The following CNOT6L variants were observed in gnomAD, a reference collection of about 807,000 sequenced individuals.
CNOT6L encodes CCR4-NOT transcription complex subunit 6-like.
A neutral mutation model predicts 64.0 loss-of-function variants in CNOT6L; 7 were observed. That is an observed-to-expected ratio of 0.11 (90% CI 0.06 to 0.21). CNOT6L has a LOEUF of 0.21. Among genes scored for constraint, CNOT6L ranks in the 10% least tolerant of loss-of-function variants. CNOT6L has a pLI of 1.00. For synonymous variants in CNOT6L, 193 were observed against 243.4 expected, an observed-to-expected ratio of 0.79 and a Z score of 1.93; for missense variants, 245 against 669.0, an observed-to-expected ratio of 0.37 and a Z score of 6.99.
At chr4:77,760,001 TC>T (rs1726000235) in intron 4 of CNOT6L, among the ~76,000 whole-genome samples, 1 of 152,124 alleles carries the variant, frequency 6.6e-6, no homozygotes, top group African/African-American at 2.4e-5. Context: ...CCCAGAAAGT[TC>T]CCAAATATTC....
At position 77,717,962 on chromosome 4, in the gene CNOT6L, C is replaced by T. The variant is rs997765847; in HGVS notation, c.*2469G>A. Reference sequence around the variant, plus strand: ...GAGCGCATTTGAAGCAGAGAGAACCCAATTACACACCTTCCTGCAACAGAG... The same window carrying T: ...GAGCGCATTTGAAGCAGAGAGAACCTAATTACACACCTTCCTGCAACAGAG... On this transcript the variant is annotated 3_prime_UTR_variant, in exon 12 of 12. Coordinates refer to ENST00000504123, the MANE Select transcript of CNOT6L (RefSeq NM_144571.3). 6.6e-6 allele frequency: 1 copy of T among 152,418 alleles called. No homozygotes were observed. The highest frequency in any genetic ancestry group is 1.5e-5 in the Non-Finnish European group (1 of 67,990). 9.4% of individuals were successfully genotyped at this position (152,418 alleles called of 1,614,324 possible).
In CNOT6L at chr4:77,773,178, A is replaced by G. The variant is rs762789158; in HGVS notation, c.315-12T>C. On this transcript the variant is annotated splice_polypyrimidine_tract_variant and intron_variant, in intron 3 of 11. Transcript: ENST00000504123. Reference sequence around the variant, plus strand: ...TTAAAAGCAATTCCCTGTTTTAAAAAAAAAAAAAAAATTAGTTTAATATAC... The same window carrying G: ...TTAAAAGCAATTCCCTGTTTTAAAAGAAAAAAAAAAATTAGTTTAATATAC... The G allele has an allele frequency of 6.0e-6, 9 of 1,511,208 alleles. No individual in the cohort carries two copies. Among genetic ancestry groups the G allele is most frequent in the Admixed American group, 4.6e-5 (2 of 43,748 alleles). The allele number at this position is 1,511,208 out of a possible 1,614,324, so 93.6% of individuals were successfully genotyped here.
intron 1 of CNOT6L, among the ~76,000 whole-genome samples, chr4:77,813,716 TAGA>T (rs1217890465): frequency 6.6e-6 from 1 of 152,142 alleles, no homozygotes; most frequent in Non-Finnish European, 1.5e-5. Flanking sequence ...TCACACCTGC[TAGA>T]AGAACTATGA....
Position 77,715,033 on chromosome 4 carries a change from G to A in CNOT6L, c.*5398C>T, listed in dbSNP as rs2866689. 0.86 allele frequency: 131,319 copies of A among 152,190 alleles called. 56,901 individuals are homozygous for A. Among genetic ancestry groups the A allele is most frequent in the Non-Finnish European group, 0.9 (61,208 of 67,996 alleles). 9.4% of individuals were successfully genotyped at this position (152,190 alleles called of 1,614,324 possible). ...AAAGACAATACATCAGTGATTTGAA[G>A]TTAATACGAAACTGAAATGAGCAAG... On this transcript the variant is annotated 3_prime_UTR_variant, in exon 12 of 12. Transcript: ENST00000504123.
intron 4 of CNOT6L, among the ~76,000 whole-genome samples, chr4:77,769,339 G>C (rs1023562622): frequency 2.0e-5 from 3 of 152,098 alleles, no homozygotes; most frequent in Non-Finnish European, 4.4e-5. Flanking sequence ...ATGACAAGGT[G>C]TGTTTGTGCC....
At chr4:77,813,746 T>C (rs1031181681) in intron 1 of CNOT6L, among the ~76,000 whole-genome samples, 4 of 151,994 alleles carry the variant, frequency 2.6e-5, no homozygotes, top group Non-Finnish European at 4.4e-5. Context: ...AAGGAGATAA[T>C]AACAATTGTT....
At chr4:77,765,650 TA>T (rs1207716236) in intron 4 of CNOT6L, among the ~76,000 whole-genome samples, 1 of 152,182 alleles carries the variant, frequency 6.6e-6, no homozygotes, top group Non-Finnish European at 1.5e-5. Flanking sequence ...AAAAATCCTT[TA>T]AAAAATTGTT....
chr4:77,805,554 A>G (rs1044695933), intron 1 of CNOT6L, among the ~76,000 whole-genome samples: 1 of 152,196 alleles, frequency 6.6e-6, no homozygotes, highest in Non-Finnish European at 1.5e-5. Flanking sequence ...TTCATTTCAT[A>G]TTATAGTTGT....
intron 1 of CNOT6L, among the ~76,000 whole-genome samples, chr4:77,776,873 TA>T (rs1346285146): frequency 6.6e-6 from 1 of 152,216 alleles, no homozygotes; most frequent in Non-Finnish European, 1.5e-5. Context: ...ATTCTATGTT[TA>T]TAGGAGAAGC....
At chr4:77,798,355 T>C (rs1731120088) in intron 1 of CNOT6L, among the ~76,000 whole-genome samples, 1 of 151,920 alleles carries the variant, frequency 6.6e-6, no homozygotes, top group African/African-American at 2.4e-5. Context: ...ACCCACACAC[T>C]GGGAAAAAAT....
At chr4:77,762,414 T>C (rs1726345033) in intron 4 of CNOT6L, among the ~76,000 whole-genome samples, 1 of 152,140 alleles carries the variant, frequency 6.6e-6, no homozygotes, top group Admixed American at 6.5e-5. Context: ...GATCCACACA[T>C]ATTTGGGCAA....
At chr4:77,750,025 A>T (rs1200550793) in intron 5 of CNOT6L, among the ~76,000 whole-genome samples, 3 of 152,212 alleles carry the variant, frequency 2.0e-5, no homozygotes, top group Non-Finnish European at 4.4e-5. Flanking sequence ...GTTTAAAAAG[A>T]TAAATATGTA....
In CNOT6L at chr4:77,729,038, C is replaced by T; in HGVS notation, c.1068G>A (p.Val356=). Residue 356 remains valine, a synonymous_variant, in exon 10 of 12, where the codon GTG becomes GTA. Coordinates refer to ENST00000504123, the MANE Select transcript of CNOT6L (RefSeq NM_144571.3). ...GGTCCCAATGCATGTGGGCATTTGC[C>T]ACTATAAGCAGCTGTTTGTCTGCAG... The part of the protein sequence containing the change: ...IHAADKQLLI[V]ANAHMHWDPE... 6.2e-7 allele frequency: 1 copy of T among 1,613,554 alleles called. No homozygotes were observed. The highest frequency in any genetic ancestry group is 8.5e-7 in the Non-Finnish European group (1 of 1,179,602).
At chr4:77,801,147 A>G (rs925624402) in intron 1 of CNOT6L, among the ~76,000 whole-genome samples, 1 of 152,182 alleles carries the variant, frequency 6.6e-6, no homozygotes, top group Non-Finnish European at 1.5e-5. Context: ...GGTTCCAGGA[A>G]AAGGATACTC....
intron 1 of CNOT6L, among the ~76,000 whole-genome samples, chr4:77,783,753 A>G (rs1424152966): frequency 3.3e-5 from 5 of 152,170 alleles, no homozygotes; most frequent in African/African-American, 7.2e-5. Context: ...TTCCTAAATC[A>G]GTGATAATAT....
In CNOT6L at chr4:77,717,511, T is replaced by G. The variant is rs905894671; in HGVS notation, c.*2920A>C. ...ATTTTCTTTTATCTTCTGATTAAAA[T>G]ATGCAGCAGCCCAATGGCATAAAGC... is the stretch of plus-strand genomic sequence containing the variant. On this transcript the variant is annotated 3_prime_UTR_variant, in exon 12 of 12. Transcript: ENST00000504123. The G allele has an allele frequency of 6.6e-6, 1 of 152,424 alleles. No homozygotes were observed. The highest frequency in any genetic ancestry group is 2.4e-5 in the African/African-American group (1 of 41,436). The allele number at this position is 152,424 out of a possible 1,614,324, so 9.4% of individuals were successfully genotyped here.
chr4:77,728,469 G>A (rs1463292981), intron 10 of CNOT6L, among the ~76,000 whole-genome samples: 1 of 152,090 alleles, frequency 6.6e-6, no homozygotes, highest in African/African-American at 2.4e-5. Flanking sequence ...CTTCTTTTTG[G>A]TTTGCCAGGG....
intron 4 of CNOT6L, among the ~76,000 whole-genome samples, chr4:77,762,302 G>A (rs1726327586): frequency 6.6e-6 from 1 of 152,048 alleles, no homozygotes; most frequent in African/African-American, 2.4e-5. Context: ...ACAAAGTTTG[G>A]AAACTTATAA....
chr4:77,739,794 C>T (rs188600663), intron 8 of CNOT6L, among the ~76,000 whole-genome samples: 11 of 152,300 alleles, frequency 7.2e-5, no homozygotes, highest in African/African-American at 2.4e-4. Context: ...GTGCTCATTA[C>T]TTAACTAGTT....
Sources: gnomAD v4.1 joint callset for allele counts (sites outside exome capture counted in the v4.1 genomes callset) on GRCh38, gnomAD v4.1.1 for gene constraint, MANE v1.5 for transcripts, NCBI Gene and HGNC (gene_info 2026-07-23, HGNC 2026-07-21) for gene names.